Variants in SMIM20 observed in about 807,000 individuals in gnomAD.
SMIM20 encodes the protein small integral membrane protein 20.
In SMIM20, 3 loss-of-function variants were observed where a neutral mutation model predicts 8.7. The observed-to-expected ratio is 0.34, with a 90% confidence interval of 0.16 to 0.89. The LOEUF is 0.89. Among genes scored for constraint, SMIM20 ranks in the 40% least tolerant of loss-of-function variants. The pLI, the probability that SMIM20 is intolerant of heterozygous loss-of-function variation, is 0.49. For synonymous variants in SMIM20, 44 were observed against 33.6 expected (o/e 1.31, Z -1.07); for missense variants, 85 against 84.8 (o/e 1.00, Z -0.01).
chr4:25,914,889 C>G (rs1038555653), intron 1 of SMIM20, among the ~76,000 whole-genome samples: 5 of 152,126 alleles, frequency 3.3e-5, no homozygotes, highest in Non-Finnish European at 2.9e-5. Context: ...TTCCCAAGGT[C>G]ACACAGCAAG....
chr4:25,926,565 G>A (rs1711518875), intron 1 of SMIM20, among the ~76,000 whole-genome samples: 1 of 152,178 alleles, frequency 6.6e-6, no homozygotes. Context: ...GTGAAGACAG[G>A]GATTTCTTTC....
At chr4:25,917,209 G>A (rs894277121) in intron 1 of SMIM20, among the ~76,000 whole-genome samples, 2 of 151,718 alleles carry the variant, frequency 1.3e-5, no homozygotes, top group East Asian at 1.9e-4. Context: ...AGGCAATGGG[G>A]GAGATGAGTG....
chr4:25,914,682 A>G (rs571987264), intron 1 of SMIM20, among the ~76,000 whole-genome samples: 9 of 152,332 alleles, frequency 5.9e-5, no homozygotes, highest in African/African-American at 9.6e-5. Flanking sequence ...GTGATCATGT[A>G]TATGAAAGCA....
In SMIM20 at chr4:25,929,245, C is replaced by T; in HGVS notation, c.*54C>T. ...AGGAGATTTCTTCATGCTTTCGATT[C>T]TGCATGGGGTACAGCCAGTCACCTC... On this transcript the variant is annotated 3_prime_UTR_variant, in exon 3 of 3. Transcript: ENST00000506197. The T allele has an allele frequency of 2.0e-6, 3 of 1,535,160 alleles. No individual in the cohort carries two copies. Among genetic ancestry groups the T allele is most frequent in the Non-Finnish European group, 2.7e-6 (3 of 1,131,994 alleles).
intron 1 of SMIM20, among the ~76,000 whole-genome samples, chr4:25,917,478 G>A (rs1359599752): frequency 6.6e-6 from 1 of 152,202 alleles, no homozygotes; most frequent in African/African-American, 2.4e-5. Context: ...GCCTGGAGCT[G>A]GCTGACCTAG....
At chr4:25,928,183 C>T (rs1711558683) in intron 1 of SMIM20, 130 bp from the exon 2 acceptor site, 7 of 810,324 alleles carry the variant, frequency 8.6e-6, no homozygotes, top group South Asian at 2.0e-5. Flanking sequence ...TGCATAATAG[C>T]GTATCTGAAT....
chr4:25,914,895 G>A (rs1719052178), intron 1 of SMIM20, among the ~76,000 whole-genome samples: 1 of 152,278 alleles, frequency 6.6e-6, no homozygotes, highest in East Asian at 1.9e-4. Context: ...AGGTCACACA[G>A]CAAGTAAGTG....
intron 1 of SMIM20, 75 bp downstream of exon 1, chr4:25,914,497 T>G: frequency 2.3e-6 from 3 of 1,307,282 alleles, no homozygotes; most frequent in Non-Finnish European, 3.0e-6. Flanking sequence ...CTCCACGTGG[T>G]GCCGTGGAAA....
At chr4:25,916,957 A>G (rs970685406) in intron 1 of SMIM20, among the ~76,000 whole-genome samples, 17 of 152,150 alleles carry the variant, frequency 1.1e-4, no homozygotes, top group African/African-American at 4.1e-4. Flanking sequence ...GAAGTTTACT[A>G]TATGTTTGGC....
chr4:25,914,725 C>A (rs1719047610), intron 1 of SMIM20, among the ~76,000 whole-genome samples: 1 of 152,246 alleles, frequency 6.6e-6, no homozygotes, highest in Non-Finnish European at 1.5e-5. Flanking sequence ...AGTACCAGTT[C>A]ATATTTACAG....
chr4:25,922,583 C>T (rs1719219284), intron 1 of SMIM20, among the ~76,000 whole-genome samples: 1 of 152,200 alleles, frequency 6.6e-6, no homozygotes, highest in African/African-American at 2.4e-5. Flanking sequence ...TTGCTCCTGC[C>T]TTTCAGCCAC....
chr4:25,924,913 A>G lies in SMIM20; in HGVS notation c.110-3400A>G, dbSNP rs370938436. On this transcript the variant is annotated intron_variant, in intron 1 of 2. Transcript: ENST00000506197. ...TTCCAAAATGACACAAGTGGAAAATACCACACATAAGTACTTAATATAAAT... is the reference window on the plus strand; with the variant it reads ...TTCCAAAATGACACAAGTGGAAAATGCCACACATAAGTACTTAATATAAAT... Among the ~76,000 whole-genome samples, 20 of 152,370 alleles carry G rather than the reference A, an allele frequency of 1.3e-4. 1 individual carries two copies. In the East Asian group the frequency reaches 2.1e-3, roughly 16 times the overall value.
At chr4:25,919,605 C>T (rs1353565444) in intron 1 of SMIM20, among the ~76,000 whole-genome samples, 2 of 152,146 alleles carry the variant, frequency 1.3e-5, no homozygotes, top group Admixed American at 6.5e-5. Flanking sequence ...GTCTCAGCCT[C>T]TCAAAGTGTT....
intron 1 of SMIM20, among the ~76,000 whole-genome samples, chr4:25,921,391 A>T (rs763184079): frequency 6.6e-6 from 1 of 151,822 alleles, no homozygotes; most frequent in African/African-American, 2.4e-5. Flanking sequence ...AAAGAAGTAA[A>T]CTCTACAGGG....
chr4:25,917,967 G>C (rs1353917788), intron 1 of SMIM20, among the ~76,000 whole-genome samples: 1 of 133,546 alleles, frequency 7.5e-6, no homozygotes, highest in Non-Finnish European at 1.6e-5. Flanking sequence ...TTTTGAGACA[G>C]AGTCTCGCTC....
At chr4:25,926,361 C>T (rs1203512689) in intron 1 of SMIM20, among the ~76,000 whole-genome samples, 3 of 152,114 alleles carry the variant, frequency 2.0e-5, no homozygotes, top group African/African-American at 7.2e-5. Context: ...GATTAAAGAA[C>T]CAGGGGATGT....
At chr4:25,918,920 C>T (rs1401023368) in intron 1 of SMIM20, among the ~76,000 whole-genome samples, 7 of 97,618 alleles carry the variant, frequency 7.2e-5, no homozygotes, top group African/African-American at 2.0e-4. Context: ...TTTTTTGAGA[C>T]GGAGTCTCGC....
At chr4:25,927,384 C>T (rs895943418) in intron 1 of SMIM20, among the ~76,000 whole-genome samples, 4 of 152,090 alleles carry the variant, frequency 2.6e-5, no homozygotes, top group Admixed American at 6.5e-5. Flanking sequence ...TTTCTTGTAC[C>T]GTTACGTTTG....
At chr4:25,917,718 C>T (rs183057794) in intron 1 of SMIM20, among the ~76,000 whole-genome samples, 211 of 152,322 alleles carry the variant, frequency 1.4e-3, no homozygotes, top group African/African-American at 4.7e-3. Flanking sequence ...CTACCCTTGT[C>T]CTGTCCACCT....
Sources: gnomAD v4.1 joint callset for allele counts (sites outside exome capture counted in the v4.1 genomes callset) on GRCh38, gnomAD v4.1.1 for gene constraint, MANE v1.5 for transcripts, NCBI Gene and HGNC (gene_info 2026-07-23, HGNC 2026-07-21) for gene names.